TBC1D22B: variants seen among roughly 807,000 people sequenced by gnomAD.
TBC1D22B encodes TBC1 domain family member 22B, also known as chromosome 6 open reading frame 197.
A neutral mutation model predicts 69.1 loss-of-function variants in TBC1D22B; 32 were observed. The observed-to-expected ratio is 0.46, with a 90% CI of 0.35 to 0.62. TBC1D22B has a LOEUF of 0.62. Ranked by LOEUF, TBC1D22B falls within the 20% of genes least tolerant of loss-of-function variation. The pLI is 0.00. For missense variants in TBC1D22B, 462 were observed against 630.9 expected (o/e 0.73, Z 2.87); for synonymous variants, 206 against 229.8 (o/e 0.90, Z 0.94).
At chr6:37,330,426 GAC>G (rs1330914318) in intron 12 of TBC1D22B, among the ~76,000 whole-genome samples, 1 of 151,794 alleles carries the variant, frequency 6.6e-6, no homozygotes, top group African/African-American at 2.4e-5. Flanking sequence ...TTTTAGTAGA[GAC>G]AGGTTTCACT....
intron 1 of TBC1D22B, among the ~76,000 whole-genome samples, chr6:37,261,944 AGTGTGT>A (rs70977641): frequency 0.028 from 3,307 of 118,738 alleles, 87 homozygotes; most frequent in African/African-American, 0.056. Context: ...AGCTTTGGTC[AGTGTGT>A]GTGTGTGTGT....
chr6:37,286,224 T>C (rs555974518), intron 6 of TBC1D22B, among the ~76,000 whole-genome samples: 32 of 152,346 alleles, frequency 2.1e-4, no homozygotes, highest in African/African-American at 7.5e-4. Flanking sequence ...GGAAACATGT[T>C]CCACATGGGC....
At chr6:37,293,139 G>A (rs1466402670) in intron 8 of TBC1D22B, among the ~76,000 whole-genome samples, 1 of 151,030 alleles carries the variant, frequency 6.6e-6, no homozygotes, top group African/African-American at 2.4e-5. Flanking sequence ...GTGCAGTGGC[G>A]TGATCTCGGC....
At chr6:37,301,449 G>T (rs1329471003) in intron 8 of TBC1D22B, among the ~76,000 whole-genome samples, 2 of 152,110 alleles carry the variant, frequency 1.3e-5, no homozygotes, top group Non-Finnish European at 2.9e-5. Flanking sequence ...TGTATCTAGG[G>T]ATTTCCCTAT....
At chr6:37,276,323 C>G (rs1443931707) in intron 2 of TBC1D22B, among the ~76,000 whole-genome samples, 2 of 152,076 alleles carry the variant, frequency 1.3e-5, no homozygotes, top group Non-Finnish European at 2.9e-5. Context: ...AGACTCTTCC[C>G]CTTTTCTAGG....
intron 8 of TBC1D22B, among the ~76,000 whole-genome samples, chr6:37,312,496 C>A (rs1767944865): frequency 6.6e-6 from 1 of 152,214 alleles, no homozygotes; most frequent in East Asian, 1.9e-4. Context: ...CTGATCCTAG[C>A]TGTTCTCCCT....
At chr6:37,275,438 T>A (rs1020215671) in intron 2 of TBC1D22B, among the ~76,000 whole-genome samples, 1 of 152,204 alleles carries the variant, frequency 6.6e-6, no homozygotes, top group Non-Finnish European at 1.5e-5. Context: ...ACTTGGCGAC[T>A]TCTCTTCCTA....
chr6:37,317,185 C>A lies in TBC1D22B; in HGVS notation c.1368C>A (p.Ile456=), dbSNP rs1411048161. 6.4e-7 allele frequency: 1 copy of A among 1,572,708 alleles called. No homozygotes were observed. The highest frequency in any genetic ancestry group is 1.8e-5 in the Admixed American group (1 of 54,268). ...AAFLIKWRKE[I]LDEEDFQGLL... is the part of the protein sequence containing the mutation. ...TCTTGATCAAGTGGAGGAAAGAGAT[C>A]TTGGATGAGGAGGATTTTCAGGTGA... is the stretch of plus-strand genomic sequence containing the variant. Residue 456 remains isoleucine (I), a synonymous_variant, in exon 12 of 13, where the codon ATC becomes ATA. Coordinates refer to ENST00000373491, the MANE Select transcript of TBC1D22B (RefSeq NM_017772.4).
intron 12 of TBC1D22B, among the ~76,000 whole-genome samples, chr6:37,317,602 A>G (rs1768120855): frequency 1.3e-5 from 2 of 152,226 alleles, no homozygotes; most frequent in African/African-American, 2.4e-5. Flanking sequence ...CATACAGTAA[A>G]TAACATCATA....
At chr6:37,280,161 G>A (rs1766781101) in intron 3 of TBC1D22B, among the ~76,000 whole-genome samples, 1 of 152,200 alleles carries the variant, frequency 6.6e-6, no homozygotes, top group Admixed American at 6.5e-5. Context: ...AGAAGTAGAG[G>A]CCTCTCTGTT....
intron 3 of TBC1D22B, 23 bp downstream of exon 3, chr6:37,279,634 A>G (rs1766765032): frequency 2.5e-6 from 4 of 1,583,096 alleles, no homozygotes; most frequent in Non-Finnish European, 3.4e-6. Flanking sequence ...TGCTCCCTTC[A>G]TAGCCTCAGC....
intron 8 of TBC1D22B, among the ~76,000 whole-genome samples, chr6:37,308,985 G>T (rs1581619651): frequency 1.3e-5 from 2 of 151,534 alleles, no homozygotes; most frequent in South Asian, 2.1e-4. Context: ...GCTTAAATAA[G>T]GTAGAAGTGT....
chr6:37,330,300 G>T (rs28410882), intron 12 of TBC1D22B, among the ~76,000 whole-genome samples: 1 of 139,334 alleles, frequency 7.2e-6, no homozygotes, highest in Non-Finnish European at 1.5e-5. Flanking sequence ...GTGCAGTGGC[G>T]CGATCTGGGC....
chr6:37,271,185 C>T (rs1471523996), intron 2 of TBC1D22B, among the ~76,000 whole-genome samples: 4 of 152,000 alleles, frequency 2.6e-5, no homozygotes, highest in South Asian at 2.1e-4. Context: ...TGGTGGCAGG[C>T]GCCTGTAATT....
chr6:37,308,208 C>T (rs1767796679), intron 8 of TBC1D22B, among the ~76,000 whole-genome samples: 1 of 152,182 alleles, frequency 6.6e-6, no homozygotes, highest in South Asian at 2.1e-4. Flanking sequence ...CTGCTGTATG[C>T]TCTTGTCATG....
intron 12 of TBC1D22B, among the ~76,000 whole-genome samples, chr6:37,326,722 AGGT>A: frequency 6.6e-6 from 1 of 152,058 alleles, no homozygotes; most frequent in Admixed American, 6.5e-5. Context: ...TGGGAGGTGG[AGGT>A]GGTGGTGAGC....
At chr6:37,325,642 C>T (rs572346264) in intron 12 of TBC1D22B, among the ~76,000 whole-genome samples, 30 of 148,760 alleles carry the variant, frequency 2.0e-4, no homozygotes, top group Admixed American at 8.9e-4. Flanking sequence ...CTCTGCCTCC[C>T]GGGTTCAAGC....
chr6:37,327,286 G>C (rs1347550778), intron 12 of TBC1D22B, among the ~76,000 whole-genome samples: 1 of 104,902 alleles, frequency 9.5e-6, no homozygotes, highest in Non-Finnish European at 1.9e-5. Flanking sequence ...AGACCATCCT[G>C]GCTAACACGG....
intron 2 of TBC1D22B, among the ~76,000 whole-genome samples, chr6:37,272,496 C>A (rs1430044823): frequency 6.6e-6 from 1 of 151,794 alleles, no homozygotes; most frequent in African/African-American, 2.4e-5. Flanking sequence ...GCATGCCTCA[C>A]CCCCAACTTC....
Sources: gnomAD v4.1 joint callset for allele counts (sites outside exome capture counted in the v4.1 genomes callset) on GRCh38, gnomAD v4.1.1 for gene constraint, MANE v1.5 for transcripts, NCBI Gene and HGNC (gene_info 2026-07-23, HGNC 2026-07-21) for gene names.